Variants in SAMD5 observed in about 807,000 individuals in gnomAD.
SAMD5 encodes sterile alpha motif domain containing 5.
Under a neutral mutation model 11.3 loss-of-function variants are expected in SAMD5, and 13 were observed. The observed-to-expected ratio is 1.15, with a 90% CI of 0.75 to 1.83. The LOEUF is 1.83. SAMD5 is among the 40% of genes most tolerant of loss of function. The pLI is 0.00. For missense variants in SAMD5, 255 were observed against 239.1 expected, an observed-to-expected ratio of 1.07 and a Z score of -0.44; for synonymous variants, 129 against 111.3, an observed-to-expected ratio of 1.16 and a Z score of -1.00.
At chr6:147,792,149 G>A in the SAMD5 span, among the ~76,000 whole-genome samples, 26 of 152,222 alleles carry the variant, frequency 1.7e-4, no homozygotes, top group South Asian at 8.3e-4. Context: ...ATGAAACAAC[G>A]TTACTGAAGG....
intron 1 of SAMD5, among the ~76,000 whole-genome samples, chr6:147,577,794 G>A (rs1467382215): frequency 1.3e-5 from 2 of 152,096 alleles, no homozygotes; most frequent in African/African-American, 4.8e-5. Context: ...AAGGAAAATA[G>A]CCAGGTTTTA....
chr6:147,579,931 T>C (rs376833779), intron 1 of SAMD5, among the ~76,000 whole-genome samples: 7 of 152,212 alleles, frequency 4.6e-5, no homozygotes, highest in East Asian at 3.8e-4. Flanking sequence ...ACAAACTAGA[T>C]TTAACTCCTA....
chr6:147,865,140 A>T, the SAMD5 span, among the ~76,000 whole-genome samples: 2 of 152,096 alleles, frequency 1.3e-5, no homozygotes, highest in East Asian at 3.9e-4. Flanking sequence ...ATTCTTTCTT[A>T]CTTTAGAGTG....
At chr6:147,887,510 TTTA>T in the SAMD5 span, among the ~76,000 whole-genome samples, 36 of 152,330 alleles carry the variant, frequency 2.4e-4, no homozygotes, top group Middle Eastern at 3.4e-3. Flanking sequence ...GAATTAATAG[TTTA>T]TTTCTTTTTT....
the SAMD5 span, among the ~76,000 whole-genome samples, chr6:147,871,950 A>G: frequency 6.6e-6 from 1 of 152,214 alleles, no homozygotes; most frequent in Non-Finnish European, 1.5e-5. Flanking sequence ...ATTCAGAAAA[A>G]TAATATATAT....
At chr6:147,657,724 G>A (rs921976229) in intron 1 of SAMD5, among the ~76,000 whole-genome samples, 12 of 152,138 alleles carry the variant, frequency 7.9e-5, no homozygotes, top group Admixed American at 2.0e-4. Context: ...GTGCCTTCTC[G>A]CTCCGCCCTC....
At position 147,559,528 on chromosome 6, in the gene SAMD5, G is replaced by A. The variant is rs140803011; in HGVS notation, c.460-4866G>A. On this transcript the variant is annotated intron_variant, in intron 1 of 1. Transcript: ENST00000367474. ...CGTGTAGAAGCTGCAGAAAAGTCCC[G>A]AATGAAGTTTAGAACTTGTGTGGCC... Among the ~76,000 whole-genome samples, 1,450 of 152,254 alleles carry A rather than the reference G, an allele frequency of 9.5e-3. 9 individuals are homozygous for A. Among genetic ancestry groups the A allele is most frequent in the Middle Eastern group, 0.024 (7 of 294 alleles).
chr6:147,521,035 G>C (rs1376658525), intron 1 of SAMD5, among the ~76,000 whole-genome samples: 2 of 152,040 alleles, frequency 1.3e-5, no homozygotes, highest in African/African-American at 4.8e-5. Context: ...CCTGAAAAAT[G>C]ATTTTAATCC....
the SAMD5 span, among the ~76,000 whole-genome samples, chr6:147,782,285 TC>T: frequency 2.0e-5 from 3 of 152,208 alleles, no homozygotes; most frequent in African/African-American, 7.2e-5. Flanking sequence ...CTCCAACACT[TC>T]CTGTCAGGCA....
chr6:147,556,080 T>G (rs180820093), intron 1 of SAMD5, among the ~76,000 whole-genome samples: 1 of 152,298 alleles, frequency 6.6e-6, no homozygotes, highest in East Asian at 1.9e-4. Context: ...TGTAATGCAT[T>G]TACTAGTGTT....
At chr6:147,601,615 A>G (rs1562330678) in intron 1 of SAMD5, among the ~76,000 whole-genome samples, 1 of 152,216 alleles carries the variant, frequency 6.6e-6, no homozygotes, top group Non-Finnish European at 1.5e-5. Flanking sequence ...GAAGATAAAC[A>G]TACCGTAGAT....
intron 1 of SAMD5, among the ~76,000 whole-genome samples, chr6:147,629,017 G>A (rs560922062): frequency 6.6e-5 from 10 of 152,228 alleles, no homozygotes; most frequent in Non-Finnish European, 8.8e-5. Context: ...TAGGCTGGGC[G>A]CAGTGGCTCA....
chr6:147,527,258 C>T (rs1788356990), intron 1 of SAMD5, among the ~76,000 whole-genome samples: 2 of 152,042 alleles, frequency 1.3e-5, no homozygotes, highest in South Asian at 4.2e-4. Flanking sequence ...ACAGGCTGTA[C>T]AGGAAGCATG....
At chr6:147,597,989 C>T (rs1789557475) in intron 1 of SAMD5, among the ~76,000 whole-genome samples, 1 of 152,228 alleles carries the variant, frequency 6.6e-6, no homozygotes. Flanking sequence ...CTTCCTGGTG[C>T]CATGCTACTT....
chr6:147,849,669 G>A, the SAMD5 span, among the ~76,000 whole-genome samples: 1 of 152,076 alleles, frequency 6.6e-6, no homozygotes, highest in South Asian at 2.1e-4. Context: ...AAGCCTGTGT[G>A]TGAAAAAAAA....
chr6:147,689,920 T>C (rs12204174), intron 1 of SAMD5, among the ~76,000 whole-genome samples: 1,524 of 152,336 alleles, frequency 0.01, 11 homozygotes, highest in Non-Finnish European at 0.017. Flanking sequence ...TAAAGAGTGC[T>C]ATAGTGTTAT....
At chr6:147,626,733 C>T (rs1364794513) in intron 1 of SAMD5, among the ~76,000 whole-genome samples, 7 of 137,040 alleles carry the variant, frequency 5.1e-5, no homozygotes, top group African/African-American at 5.5e-5. Context: ...ACGGCAGGGT[C>T]GCTTGAAGCC....
chr6:147,701,037 T>C (rs939411338), intron 1 of SAMD5, among the ~76,000 whole-genome samples: 1 of 152,178 alleles, frequency 6.6e-6, no homozygotes, highest in African/African-American at 2.4e-5. Flanking sequence ...GCTAAACAAA[T>C]GAGCTAGTTC....
chr6:147,868,709 A>G, the SAMD5 span, among the ~76,000 whole-genome samples: 1 of 152,212 alleles, frequency 6.6e-6, no homozygotes, highest in Non-Finnish European at 1.5e-5. Flanking sequence ...AGAAATTTTC[A>G]TGGTTTTAAA....
Sources: gnomAD v4.1 joint callset for allele counts (sites outside exome capture counted in the v4.1 genomes callset) on GRCh38, gnomAD v4.1.1 for gene constraint, MANE v1.5 for transcripts, NCBI Gene and HGNC (gene_info 2026-07-23, HGNC 2026-07-21) for gene names.